Variants in KCNMA1 observed in about 807,000 individuals in gnomAD.
The protein encoded by KCNMA1 is potassium calcium-activated channel subfamily M alpha 1.
Under a neutral mutation model 140.0 loss-of-function variants are expected in KCNMA1, and 29 were observed. The observed-to-expected ratio is 0.21, with a 90% confidence interval of 0.15 to 0.28. The LOEUF (loss-of-function observed/expected upper bound fraction) is 0.28, where lower values mean the gene tolerates loss of function less well. KCNMA1 is among the 10% of genes least tolerant of loss of function. The pLI is 1.00. For missense variants in KCNMA1, 880 were observed against 1,602.2 expected, an observed-to-expected ratio of 0.55 and a Z score of 7.70; for synonymous variants, 612 against 611.9, an observed-to-expected ratio of 1.00 and a Z score of 0.00.
intron 2 of KCNMA1, among the ~76,000 whole-genome samples, chr10:77,378,358 G>A (rs1202117520): frequency 1.3e-5 from 2 of 152,222 alleles, no homozygotes; most frequent in African/African-American, 4.8e-5. Context: ...GCTAGGAAAA[G>A]TTTCAGATAT....
intron 2 of KCNMA1, among the ~76,000 whole-genome samples, chr10:77,283,019 C>T (rs758016439): frequency 2.4e-4 from 36 of 152,180 alleles, no homozygotes; most frequent in African/African-American, 6.3e-4. Context: ...GGCCAACCTT[C>T]GTCTTAGGAA....
chr10:77,607,177 G>A (rs1312779518), intron 1 of KCNMA1, among the ~76,000 whole-genome samples: 1 of 152,216 alleles, frequency 6.6e-6, no homozygotes, highest in Non-Finnish European at 1.5e-5. Flanking sequence ...ATTTGAGACT[G>A]AAGAAGCTAC....
intron 15 of KCNMA1, among the ~76,000 whole-genome samples, chr10:77,033,313 G>A (rs973964560): frequency 6.6e-6 from 1 of 152,146 alleles, no homozygotes; most frequent in Non-Finnish European, 1.5e-5. Context: ...GAAAAGAGAA[G>A]TGATTTAAAA....
intron 1 of KCNMA1, among the ~76,000 whole-genome samples, chr10:77,428,378 A>G (rs1435092602): frequency 6.6e-6 from 1 of 152,164 alleles, no homozygotes; most frequent in African/African-American, 2.4e-5. Context: ...CTTAGTCTCT[A>G]ATGAAACTAA....
chr10:77,327,554 C>T (rs1432201128), intron 2 of KCNMA1, among the ~76,000 whole-genome samples: 1 of 152,020 alleles, frequency 6.6e-6, no homozygotes, highest in Non-Finnish European at 1.5e-5. Context: ...GGGGTTTCAC[C>T]ATATTAGCCA....
At chr10:77,163,102 A>G (rs1215768341) in intron 5 of KCNMA1, among the ~76,000 whole-genome samples, 6 of 152,208 alleles carry the variant, frequency 3.9e-5, no homozygotes, top group African/African-American at 1.4e-4. Context: ...TCTTCCTCCT[A>G]TAGCAGGGGT....
chr10:77,530,133 G>A (rs1242574238), intron 1 of KCNMA1, among the ~76,000 whole-genome samples: 3 of 152,212 alleles, frequency 2.0e-5, no homozygotes, highest in Non-Finnish European at 4.4e-5. Flanking sequence ...AACACGAGAA[G>A]GCCAGAGACA....
intron 3 of KCNMA1, among the ~76,000 whole-genome samples, chr10:77,247,370 T>C (rs1599885245): frequency 6.6e-6 from 1 of 152,040 alleles, no homozygotes; most frequent in South Asian, 2.1e-4. Flanking sequence ...CACTGGTGGG[T>C]CTTTGTTTTT....
chr10:77,022,915 C>T (rs764810533), intron 16 of KCNMA1: 14 of 454,336 alleles, frequency 3.1e-5, no homozygotes, highest in Admixed American at 2.6e-4. Flanking sequence ...TGTAAATATC[C>T]CAATATGTAA....
rs539394897 is a variant in KCNMA1 at position 77,364,053 on chromosome 10, T to C, written c.540+39809A>G. On this transcript the variant is annotated intron_variant, in intron 2 of 27. Coordinates refer to ENST00000286628, the MANE Select transcript of KCNMA1 (RefSeq NM_001161352.2). Reference sequence around the variant, plus strand: ...CCTAGCAGATCCTCAACAACCTTTGTTGAATAAATGTGTCCATTTATTCAG... The same window carrying C: ...CCTAGCAGATCCTCAACAACCTTTGCTGAATAAATGTGTCCATTTATTCAG... Among the ~76,000 whole-genome samples, 3 of 152,338 alleles carry C rather than the reference T, an allele frequency of 2.0e-5. No homozygotes were observed. In the South Asian group the frequency reaches 6.2e-4, roughly 32 times the overall value.
At chr10:77,192,776 T>C (rs1183549519) in intron 3 of KCNMA1, among the ~76,000 whole-genome samples, 2 of 152,222 alleles carry the variant, frequency 1.3e-5, no homozygotes, top group Non-Finnish European at 1.5e-5. Context: ...GTTTCTATTT[T>C]TTTCATTTGT....
intron 1 of KCNMA1, among the ~76,000 whole-genome samples, chr10:77,520,283 G>A (rs2052850352): frequency 1.4e-5 from 1 of 73,710 alleles, no homozygotes; most frequent in Non-Finnish European, 3.0e-5. Context: ...GATATGTGGT[G>A]TGAGGGTATG....
At chr10:77,241,903 A>G (rs2154233472) in intron 3 of KCNMA1, among the ~76,000 whole-genome samples, 1 of 152,350 alleles carries the variant, frequency 6.6e-6, no homozygotes, top group African/African-American at 2.4e-5. Flanking sequence ...ATAATATTTA[A>G]TATTCTTATG....
At chr10:77,279,349 C>A (rs1735984264) in intron 2 of KCNMA1, among the ~76,000 whole-genome samples, 1 of 152,092 alleles carries the variant, frequency 6.6e-6, no homozygotes. Context: ...GCAGGGTGCC[C>A]ACTTGCTGCA....
intron 2 of KCNMA1, among the ~76,000 whole-genome samples, chr10:77,332,528 C>T (rs1171978477): frequency 2.0e-5 from 3 of 152,190 alleles, no homozygotes; most frequent in Non-Finnish European, 4.4e-5. Flanking sequence ...CCCACCTCCC[C>T]ACCTGCTGCT....
At chr10:77,544,425 A>C (rs2060942857) in intron 1 of KCNMA1, among the ~76,000 whole-genome samples, 1 of 152,174 alleles carries the variant, frequency 6.6e-6, no homozygotes, top group African/African-American at 2.4e-5. Context: ...CACTCCTGAG[A>C]AGAAGCCACA....
intron 1 of KCNMA1, among the ~76,000 whole-genome samples, chr10:77,410,424 C>A (rs1473457469): frequency 6.6e-6 from 1 of 152,222 alleles, no homozygotes; most frequent in Non-Finnish European, 1.5e-5. Flanking sequence ...AGGGCCCCTC[C>A]CTGCTGCCTG....
At chr10:77,356,163 C>T (rs2093462689) in intron 2 of KCNMA1, among the ~76,000 whole-genome samples, 1 of 152,152 alleles carries the variant, frequency 6.6e-6, no homozygotes, top group African/African-American at 2.4e-5. Flanking sequence ...GCATCAAACC[C>T]AGCACAAGCA....
intron 23 of KCNMA1, among the ~76,000 whole-genome samples, chr10:76,932,079 G>T (rs1371250664): frequency 6.6e-6 from 1 of 152,162 alleles, no homozygotes. Flanking sequence ...ATTCATTCAG[G>T]GTTGCCATGT....
Sources: allele counts gnomAD v4.1 joint callset (sites outside exome capture counted in the v4.1 genomes callset), GRCh38; gene constraint gnomAD v4.1.1; transcripts MANE v1.5; gene names NCBI Gene and HGNC (gene_info 2026-07-23, HGNC 2026-07-21).